The following VPS53 variants were observed in gnomAD, a reference collection of about 807,000 sequenced individuals.
The protein encoded by VPS53 is vacuolar protein sorting-associated protein 53 homolog.
Under a neutral mutation model 107.0 loss-of-function variants are expected in VPS53, and 70 were observed. The ratio of observed to expected loss-of-function variants is 0.65; its 90% confidence interval spans 0.54 to 0.80. The LOEUF is 0.80. Ranked by LOEUF, VPS53 falls within the 30% of genes least tolerant of loss-of-function variation. The pLI is 0.00. For synonymous variants in VPS53, 409 were observed against 393.3 expected, an observed-to-expected ratio of 1.04 and a Z score of -0.47; for missense variants, 917 against 1,049.4, an observed-to-expected ratio of 0.87 and a Z score of 1.74.
intron 5 of VPS53, among the ~76,000 whole-genome samples, chr17:660,322 C>A (rs1237018353): frequency 2.0e-5 from 3 of 152,172 alleles, no homozygotes; most frequent in African/African-American, 7.2e-5. Context: ...AGTGCTGACA[C>A]AAAGGAACCA....
intron 7 of VPS53, among the ~76,000 whole-genome samples, chr17:638,731 T>C (rs1451507322): frequency 6.6e-6 from 1 of 152,234 alleles, no homozygotes; most frequent in East Asian, 1.9e-4. Flanking sequence ...TTCAAGAATG[T>C]TGAATATTGG....
At chr17:553,530 G>C (rs886512418) in intron 15 of VPS53, 68 bp from the exon 16 acceptor site, 8 of 1,108,888 alleles carry the variant, frequency 7.2e-6, no homozygotes, top group Non-Finnish European at 1.1e-5. Flanking sequence ...CACAATAATA[G>C]TTAACATTTA....
In VPS53 at chr17:702,430, G is replaced by A. The variant is rs1349089407; in HGVS notation, c.169-3050C>T. 3.3e-5 allele frequency among the ~76,000 whole-genome samples: 5 copies of A among 151,828 alleles called. No individual in the cohort carries two copies. In the East Asian group the frequency reaches 5.8e-4, roughly 18 times the overall value. On this transcript the variant is annotated intron_variant, in intron 2 of 21. Transcript: ENST00000437048. ...CCTGTAATCCCAGCACTTTGAGGCC[G>A]AGGTGGGCGGATCACAAGGTCAGGA...
intron 20 of VPS53, 75 bp downstream of exon 20, chr17:521,526 T>TG: frequency 1.4e-6 from 2 of 1,453,254 alleles, no homozygotes; most frequent in Non-Finnish European, 9.2e-7. Flanking sequence ...GGACCTACCC[T>TG]GTGCTTTCAA....
At chr17:658,061 CGTGG>C (rs1255848422) in intron 5 of VPS53, among the ~76,000 whole-genome samples, 3 of 28,718 alleles carry the variant, frequency 1.0e-4, no homozygotes. Context: ...GCAGGGAGTT[CGTGG>C]ATAGATACAT....
At chr17:573,660 CAA>C (rs1312794839) in intron 13 of VPS53, among the ~76,000 whole-genome samples, 1 of 152,184 alleles carries the variant, frequency 6.6e-6, no homozygotes. Flanking sequence ...CTCCTCGCCA[CAA>C]AGTCCATGAG....
rs961594523 is a variant in VPS53 at position 513,371 on chromosome 17, C to A, written c.*5757G>T. ...ATTTATATCTCCCAAAGGTGTAGAA[C>A]TTCGAGGGTCCAAGAGGCTATTCTG... On this transcript the variant is annotated 3_prime_UTR_variant, in exon 22 of 22. Transcript: ENST00000437048. 1 of 152,126 alleles carries A rather than the reference C, an allele frequency of 6.6e-6. No homozygotes were observed. Among genetic ancestry groups the A allele is most frequent in the East Asian group, 1.9e-4 (1 of 5,194 alleles). The allele number at this position is 152,126 out of a possible 1,614,324, so 9.4% of individuals were successfully genotyped here.
At position 521,637 on chromosome 17, in the gene VPS53, A is replaced by G. The variant is rs1322548675; in HGVS notation, c.2187T>C (p.Val729=). 2.6e-6 allele frequency: 4 copies of G among 1,550,996 alleles called. No homozygotes were observed. In the East Asian group the frequency reaches 9.8e-5, roughly 38 times the overall value. The part of the protein sequence containing the change: ...RKAPASYTKI[V]VKGMTRAEMI... ...TCTCAGCCCGGGTCATGCCTTTGACAACGATCTTGGTGTAGCTGGCGGGTG... is the reference window on the plus strand; with the variant it reads ...TCTCAGCCCGGGTCATGCCTTTGACGACGATCTTGGTGTAGCTGGCGGGTG... Residue 729 remains valine, a synonymous_variant, in exon 20 of 22, where the codon GTT becomes GTC. Coordinates refer to ENST00000437048, the MANE Select transcript of VPS53 (RefSeq NM_001128159.3).
At chr17:615,507 G>T (rs185043487) in intron 11 of VPS53, among the ~76,000 whole-genome samples, 2 of 152,132 alleles carry the variant, frequency 1.3e-5, no homozygotes, top group Admixed American at 1.3e-4. Flanking sequence ...GGCGGCAGTG[G>T]GGGTAGGGTG....
Position 601,889 on chromosome 17 carries a change from A to C in VPS53, c.1124T>G (p.Leu375Arg), listed in dbSNP as rs61644407. ...ATTGGTAGATGGGGGTGGAGACTCA[A>C]GCTTTTTCTGTTAGGTAGATATGAG... ...CTLTDGTLKK[L>R]ESPPPSTNPF... The change falls in exon 12 of 22, where the codon CTT (leucine) becomes CGT (arginine). Residue 375 changes from leucine to arginine, a missense_variant. Physicochemically the swap from Leu to Arg is moderately radical, Grantham distance 102. Coordinates refer to ENST00000437048, the MANE Select transcript of VPS53 (RefSeq NM_001128159.3). 101,002 of 1,584,110 alleles carry C rather than the reference A, an allele frequency of 0.064. 4,802 individuals are homozygous for C. The highest frequency in any genetic ancestry group is 0.25 in the East Asian group (10,923 of 43,132).
intron 12 of VPS53, among the ~76,000 whole-genome samples, chr17:594,188 C>T (rs1002579531): frequency 9.2e-5 from 14 of 152,158 alleles, no homozygotes; most frequent in Non-Finnish European, 1.8e-4. Context: ...AGGGATAGCA[C>T]TGGGAGATAT....
chr17:513,606 AGTGCTCTTCCT>A lies in VPS53; in HGVS notation c.*5511_*5521del, dbSNP rs1908087296. ...ACCCTCAAGCAGGCAGGTTGTTCTG[AGTGCTCTTCCT>A]AGCGAAGGAATCCCATTTCCAGCAG... On this transcript the variant is annotated 3_prime_UTR_variant, in exon 22 of 22. Transcript: ENST00000437048. 6.8e-6 allele frequency: 1 copy of A among 146,740 alleles called. No homozygotes were observed. The highest frequency in any genetic ancestry group is 2.6e-5 in the African/African-American group (1 of 38,724). The allele number at this position is 146,740 out of a possible 1,614,324, so 9.1% of individuals were successfully genotyped here.
Position 520,582 on chromosome 17 carries a change from G to A in VPS53, c.2224-652C>T, listed in dbSNP as rs949061986. On this transcript the variant is annotated intron_variant, in intron 20 of 21. Coordinates refer to ENST00000437048, the MANE Select transcript of VPS53 (RefSeq NM_001128159.3). This position sits in a 1 kb window ranked among gnomAD's most constrained non-coding sequence, Gnocchi z 4.4. ...GGCACTGCAACCCTTATTCATTTCC[G>A]TTTTGTTCTGGAATGCAGTATCTGA... 2.6e-5 allele frequency among the ~76,000 whole-genome samples: 4 copies of A among 152,154 alleles called. No homozygotes were observed. The highest frequency in any genetic ancestry group is 1.9e-4 in the East Asian group (1 of 5,202).
intron 7 of VPS53, among the ~76,000 whole-genome samples, chr17:634,354 C>A (rs1272173402): frequency 6.6e-6 from 1 of 152,012 alleles, no homozygotes; most frequent in Non-Finnish European, 1.5e-5. Flanking sequence ...TTGCCATGCT[C>A]TTCATTTTCA....
chr17:640,190 C>A (rs1438116119), intron 7 of VPS53, among the ~76,000 whole-genome samples: 1 of 152,198 alleles, frequency 6.6e-6, no homozygotes, highest in Non-Finnish European at 1.5e-5. Flanking sequence ...GGTGTGGGAC[C>A]CGCCGAGCCA....
At chr17:613,995 G>A (rs1450972176) in intron 11 of VPS53, among the ~76,000 whole-genome samples, 2 of 152,358 alleles carry the variant, frequency 1.3e-5, no homozygotes, top group East Asian at 1.9e-4. Context: ...CGCAGACACT[G>A]TCCAGAGGGA....
chr17:517,861 G>A lies in VPS53; in HGVS notation c.*1267C>T. ...TGGTTTTGCCAGGTTGCCCAGACTG[G>A]TCTCAAACTCCTGAGCTCAAGCAAT... On this transcript the variant is annotated 3_prime_UTR_variant, in exon 22 of 22. Transcript: ENST00000437048. The A allele has an allele frequency of 6.5e-6, 1 of 154,590 alleles. No individual in the cohort carries two copies. The highest frequency in any genetic ancestry group is 2.1e-4 in the South Asian group (1 of 4,846). 9.6% of individuals were successfully genotyped at this position (154,590 alleles called of 1,614,324 possible). A position where few individuals can be genotyped will look rare whatever the true frequency, so the allele number is the denominator to read the frequency against.
chr17:573,022 CAATAAA>C (rs975898278), intron 13 of VPS53, among the ~76,000 whole-genome samples: 12 of 151,612 alleles, frequency 7.9e-5, no homozygotes, highest in Non-Finnish European at 1.3e-4. Context: ...CAAGAATGAT[CAATAAA>C]AATAAAAATA....
At chr17:566,395 ATC>A (rs1453975663) in intron 13 of VPS53, among the ~76,000 whole-genome samples, 4 of 152,102 alleles carry the variant, frequency 2.6e-5, no homozygotes, top group African/African-American at 9.7e-5. Context: ...AGGTAGAATC[ATC>A]TGTTTCGTGC....
Sources: gnomAD v4.1 joint callset for allele counts (sites outside exome capture counted in the v4.1 genomes callset) on GRCh38, gnomAD v4.1.1 for gene constraint, Gnocchi (gnomAD v3.1) non-coding constraint, MANE v1.5 for transcripts, NCBI Gene and HGNC (gene_info 2026-07-23, HGNC 2026-07-21) for gene names.